Variants in CNTNAP2 observed in about 807,000 individuals in gnomAD.
The protein encoded by CNTNAP2 is contactin associated protein 2, also known as contactin-associated protein-like 2.
A neutral mutation model predicts 155.2 loss-of-function variants in CNTNAP2; 98 were observed. That is an observed-to-expected ratio of 0.63 (90% CI 0.54 to 0.75). The LOEUF is 0.75. CNTNAP2 is among the 30% of genes least tolerant of loss of function. The probability of loss-of-function intolerance (pLI) is 0.00; values close to 1 mark genes in which losing one functional copy is unlikely to be tolerated. For missense variants in CNTNAP2, 1,727 were observed against 1,688.1 expected (o/e 1.02, Z -0.40); for synonymous variants, 651 against 631.2 (o/e 1.03, Z -0.47).
intron 10 of CNTNAP2, among the ~76,000 whole-genome samples, chr7:147,427,047 ACC>A (rs1797388516): frequency 6.6e-6 from 1 of 152,106 alleles, no homozygotes; most frequent in Non-Finnish European, 1.5e-5. Flanking sequence ...AAATCGAGGC[ACC>A]AGCAGGATTG....
chr7:147,325,056 C>T (rs142007799), intron 9 of CNTNAP2, among the ~76,000 whole-genome samples: 2 of 152,124 alleles, frequency 1.3e-5, no homozygotes, highest in African/African-American at 4.8e-5. Context: ...GTAATCCCAG[C>T]ACTTTGGAGG....
At chr7:148,024,157 T>TAAAAAAAAAAAAAAAAA (rs34591496) in intron 15 of CNTNAP2, among the ~76,000 whole-genome samples, 31 of 107,598 alleles carry the variant, frequency 2.9e-4, no homozygotes, top group African/African-American at 1.1e-3. Flanking sequence ...CTTTAAAGTG[T>TAAAAAAAAAAAAAAAAA]AAAAAAAAAA....
chr7:146,652,717 A>G (rs949198526), intron 1 of CNTNAP2, among the ~76,000 whole-genome samples: 1 of 152,194 alleles, frequency 6.6e-6, no homozygotes, highest in Non-Finnish European at 1.5e-5. Context: ...GAATTTTCAG[A>G]CCAAATAGAT....
intron 1 of CNTNAP2, among the ~76,000 whole-genome samples, chr7:146,452,640 C>T (rs1208348037): frequency 6.6e-6 from 1 of 152,166 alleles, no homozygotes; most frequent in Admixed American, 6.5e-5. Flanking sequence ...TAAATTCTTT[C>T]TTTAAACTTA....
chr7:148,401,389 ATACTT>A (rs1298772427), intron 22 of CNTNAP2, among the ~76,000 whole-genome samples: 1 of 152,236 alleles, frequency 6.6e-6, no homozygotes, highest in Non-Finnish European at 1.5e-5. Flanking sequence ...GTCACAATCA[ATACTT>A]TACAAGTGCC....
intron 13 of CNTNAP2, among the ~76,000 whole-genome samples, chr7:147,737,472 G>A (rs1272669000): frequency 6.6e-6 from 1 of 152,140 alleles, no homozygotes; most frequent in East Asian, 1.9e-4. Flanking sequence ...CCTGGGTCAG[G>A]GACCCACTTG....
At chr7:146,726,087 G>A (rs912011994) in intron 1 of CNTNAP2, among the ~76,000 whole-genome samples, 10 of 152,080 alleles carry the variant, frequency 6.6e-5, no homozygotes, top group South Asian at 2.1e-4. Flanking sequence ...TACTTCAGGG[G>A]TATTTTGAAA....
chr7:146,972,394 T>C (rs1797819929), intron 3 of CNTNAP2, among the ~76,000 whole-genome samples: 1 of 152,196 alleles, frequency 6.6e-6, no homozygotes, highest in Non-Finnish European at 1.5e-5. Flanking sequence ...GCACAAATTT[T>C]TAAATTTCAA....
intron 1 of CNTNAP2, among the ~76,000 whole-genome samples, chr7:146,159,643 A>G (rs551977878): frequency 1.3e-5 from 2 of 152,356 alleles, no homozygotes; most frequent in South Asian, 4.1e-4. Context: ...AGAGACAAAG[A>G]AGGCCATTAA....
intron 8 of CNTNAP2, among the ~76,000 whole-genome samples, chr7:147,207,498 A>G (rs1299584451): frequency 6.6e-6 from 1 of 152,166 alleles, no homozygotes; most frequent in Non-Finnish European, 1.5e-5. Context: ...ATAATATAGC[A>G]TCATTCTATT....
intron 13 of CNTNAP2, among the ~76,000 whole-genome samples, chr7:147,832,337 T>C (rs899412511): frequency 2.5e-4 from 37 of 146,528 alleles, no homozygotes; most frequent in African/African-American, 8.8e-4. Flanking sequence ...TCTATATTTA[T>C]ACATATATCT....
chr7:148,323,294 C>CTTTTTTTTTTTTT (rs60109355), intron 21 of CNTNAP2, among the ~76,000 whole-genome samples: 2 of 49,466 alleles, frequency 4.0e-5, no homozygotes, highest in Admixed American at 3.2e-4. Flanking sequence ...TTATGGATTT[C>CTTTTTTTTTTTTT]TTTTTTTTTT....
At chr7:147,975,054 A>G (rs575583092) in intron 14 of CNTNAP2, among the ~76,000 whole-genome samples, 25 of 151,332 alleles carry the variant, frequency 1.7e-4, no homozygotes, top group African/African-American at 5.6e-4. Context: ...TATTACGTAT[A>G]ATACAATTTT....
At chr7:147,511,606 T>C (rs1799023375) in intron 11 of CNTNAP2, among the ~76,000 whole-genome samples, 1 of 152,018 alleles carries the variant, frequency 6.6e-6, no homozygotes, top group Non-Finnish European at 1.5e-5. Context: ...CAGTTAATAT[T>C]TTCTTTTACA....
chr7:146,778,325 A>T (rs1802425679), intron 2 of CNTNAP2, among the ~76,000 whole-genome samples: 1 of 152,240 alleles, frequency 6.6e-6, no homozygotes, highest in Non-Finnish European at 1.5e-5. Context: ...AATTTAGTTT[A>T]TGGTTCTCCA....
At chr7:148,341,990 G>C (rs1185293422) in intron 21 of CNTNAP2, among the ~76,000 whole-genome samples, 1 of 152,174 alleles carries the variant, frequency 6.6e-6, no homozygotes, top group Non-Finnish European at 1.5e-5. Context: ...AGGAGAGTAG[G>C]GAATTGATGG....
intron 5 of CNTNAP2, among the ~76,000 whole-genome samples, chr7:147,119,739 T>G (rs1398446510): frequency 2.1e-5 from 3 of 142,712 alleles, no homozygotes; most frequent in Non-Finnish European, 4.6e-5. Context: ...AAGGAGGGAG[T>G]GTGGGAGGGG....
intron 10 of CNTNAP2, among the ~76,000 whole-genome samples, chr7:147,471,131 A>G (rs1212059968): frequency 6.6e-6 from 1 of 152,152 alleles, no homozygotes; most frequent in Non-Finnish European, 1.5e-5. Context: ...GACAAAGCCT[A>G]ATCACCTGTC....
chr7:146,847,065 T>G (rs2129202138), intron 3 of CNTNAP2, among the ~76,000 whole-genome samples: 1 of 152,304 alleles, frequency 6.6e-6, no homozygotes, highest in Admixed American at 6.5e-5. Flanking sequence ...GCTAATTTTT[T>G]TTATCGTGTC....
Sources: gnomAD v4.1 joint callset for allele counts (sites outside exome capture counted in the v4.1 genomes callset) on GRCh38, gnomAD v4.1.1 for gene constraint, MANE v1.5 for transcripts, NCBI Gene and HGNC (gene_info 2026-07-23, HGNC 2026-07-21) for gene names.